Variants in GARNL3 observed in about 807,000 individuals in gnomAD.
GARNL3 encodes GTPase activating Rap/RanGAP domain like 3.
GARNL3 carries 63 observed loss-of-function variants against 125.0 expected under a neutral mutation model. The observed-to-expected ratio is 0.50, with a 90% CI of 0.41 to 0.62. The LOEUF is 0.62. GARNL3 is among the 20% of genes least tolerant of loss of function. The pLI is 0.00. For missense variants in GARNL3, 994 were observed against 1,244.0 expected (o/e 0.80, Z 3.02); for synonymous variants, 439 against 457.5 (o/e 0.96, Z 0.52).
intron 17 of GARNL3, among the ~76,000 whole-genome samples, chr9:127,349,961 C>T (rs557398271): frequency 6.6e-6 from 1 of 152,306 alleles, no homozygotes; most frequent in African/African-American, 2.4e-5. Flanking sequence ...ATACGTCCTC[C>T]CTCCGACGCT....
At chr9:127,354,518 GT>G (rs1830584421) in intron 19 of GARNL3, 108 bp downstream of exon 19, 1 of 652,598 alleles carries the variant, frequency 1.5e-6, no homozygotes, top group African/African-American at 1.8e-5. Flanking sequence ...TTATTAGTTT[GT>G]TTTTTGTTTG....
At chr9:127,336,954 T>C (rs1453355409) in intron 11 of GARNL3, among the ~76,000 whole-genome samples, 1 of 152,222 alleles carries the variant, frequency 6.6e-6, no homozygotes, top group Non-Finnish European at 1.5e-5. Context: ...GAATAAATTC[T>C]AGTCGAGTTA....
chr9:127,336,041 T>G, intron 10 of GARNL3, 87 bp from the exon 11 acceptor site: 1 of 940,878 alleles, frequency 1.1e-6, no homozygotes, highest in Non-Finnish European at 1.7e-6. Flanking sequence ...TGGCTGTGGT[T>G]TGTTATATTG....
rs186935508 is a variant in GARNL3 at position 127,321,602 on chromosome 9, C to A, written c.567+824C>A. ...GCCTTAGGAGAGAAAAAAATTTAGT[C>A]ATAATTTAGGTGACGGTTTATCAGA... On this transcript the variant is annotated intron_variant, in intron 6 of 27. Transcript: ENST00000373387. Among the ~76,000 whole-genome samples, 26 of 152,272 alleles carry A rather than the reference C, an allele frequency of 1.7e-4. No individual in the cohort carries two copies. The East Asian group carries it at 4.8e-3, about 28-fold the overall frequency.
intron 2 of GARNL3, among the ~76,000 whole-genome samples, chr9:127,254,499 A>G (rs2063461406): frequency 6.6e-6 from 1 of 152,184 alleles, no homozygotes; most frequent in African/African-American, 2.4e-5. Context: ...ATATCTACCA[A>G]TTCTCACGCC....
chr9:127,322,668 G>C (rs10122532), intron 6 of GARNL3, among the ~76,000 whole-genome samples: 39,067 of 152,056 alleles, frequency 0.26, 6,156 homozygotes, highest in African/African-American at 0.43. Context: ...CCCTTAGGAA[G>C]AGTTGAGCAA....
chr9:127,335,353 C>T lies in GARNL3; in HGVS notation c.873+20C>T, dbSNP rs1330771850. 6.6e-7 allele frequency: 1 copy of T among 1,523,846 alleles called. No individual in the cohort carries two copies. The highest frequency in any genetic ancestry group is 9.1e-7 in the Non-Finnish European group (1 of 1,097,502). 94.4% of individuals were successfully genotyped at this position (1,523,846 alleles called of 1,614,324 possible). On this transcript the variant is annotated intron_variant, in intron 10 of 27. Transcript: ENST00000373387. ...CAGCAGGTACATGTGAACATACAAACCATCAAATAGTGATGTGAATGTGGA... is the reference window on the plus strand; with the variant it reads ...CAGCAGGTACATGTGAACATACAAATCATCAAATAGTGATGTGAATGTGGA...
intron 22 of GARNL3, among the ~76,000 whole-genome samples, chr9:127,383,133 T>C (rs1832357282): frequency 6.6e-6 from 1 of 152,202 alleles, no homozygotes; most frequent in Admixed American, 6.5e-5. Flanking sequence ...GTAAAGTGAG[T>C]GTAATAATGG....
chr9:127,245,085 G>C (rs2063273342), intron 2 of GARNL3, among the ~76,000 whole-genome samples: 1 of 152,176 alleles, frequency 6.6e-6, no homozygotes, highest in South Asian at 2.1e-4. Flanking sequence ...AAAGGAATTT[G>C]TGTCCGGGGC....
intron 17 of GARNL3, among the ~76,000 whole-genome samples, chr9:127,351,380 G>C (rs1157494758): frequency 3.3e-5 from 5 of 151,944 alleles, no homozygotes. Flanking sequence ...AGGATGGTGG[G>C]TGTAGCTGTT....
At chr9:127,376,523 CTT>C (rs1440186659) in intron 22 of GARNL3, among the ~76,000 whole-genome samples, 1 of 152,086 alleles carries the variant, frequency 6.6e-6, no homozygotes, top group Non-Finnish European at 1.5e-5. Flanking sequence ...GGGCCAGCCT[CTT>C]AACATTTTAA....
chr9:127,274,964 A>G (rs1311649836), intron 1 of GARNL3, among the ~76,000 whole-genome samples: 2 of 152,138 alleles, frequency 1.3e-5, no homozygotes, highest in African/African-American at 2.4e-5. Context: ...TACTTGTACC[A>G]GATCATTCTC....
chr9:127,257,159 G>C (rs1225877039), intron 2 of GARNL3, among the ~76,000 whole-genome samples: 1 of 152,110 alleles, frequency 6.6e-6, no homozygotes, highest in Non-Finnish European at 1.5e-5. Flanking sequence ...ACCACAGTTT[G>C]TTTGAGTATT....
chr9:127,292,394 C>G (rs1373880860), intron 2 of GARNL3, among the ~76,000 whole-genome samples: 1 of 152,194 alleles, frequency 6.6e-6, no homozygotes, highest in Non-Finnish European at 1.5e-5. Flanking sequence ...ATAGCCTCAC[C>G]ACCACAAGCT....
At chr9:127,306,817 A>G (rs149386419) in intron 2 of GARNL3, among the ~76,000 whole-genome samples, 9 of 152,234 alleles carry the variant, frequency 5.9e-5, no homozygotes, top group African/African-American at 1.4e-4. Context: ...AACCTCAGAA[A>G]CAGGTTGCAG....
chr9:127,309,476 T>A (rs549504444), intron 2 of GARNL3, among the ~76,000 whole-genome samples: 3 of 152,320 alleles, frequency 2.0e-5, no homozygotes, highest in African/African-American at 7.2e-5. Flanking sequence ...CCGTTTCATT[T>A]TATAAGGTAA....
chr9:127,239,940 G>A (rs2812291), intron 1 of GARNL3, among the ~76,000 whole-genome samples: 91,260 of 152,034 alleles, frequency 0.6, 30,305 homozygotes, highest in Admixed American at 0.74. Context: ...AAAGTTTAAA[G>A]GGCTAGAAAA....
At chr9:127,370,143 G>C (rs554482196) in intron 22 of GARNL3, among the ~76,000 whole-genome samples, 1 of 152,206 alleles carries the variant, frequency 6.6e-6, no homozygotes, top group Non-Finnish European at 1.5e-5. Context: ...CACAGTGGTC[G>C]CATCAAAGGA....
At chr9:127,363,007 T>TTTA (rs1831094371) in intron 21 of GARNL3, 1 of 151,916 alleles carries the variant, frequency 6.6e-6, no homozygotes, top group Admixed American at 6.6e-5. Context: ...ATCCGATGAG[T>TTTA]TTATTCTATC....
Sources: gnomAD v4.1 joint callset for allele counts (sites outside exome capture counted in the v4.1 genomes callset) on GRCh38, gnomAD v4.1.1 for gene constraint, MANE v1.5 for transcripts, NCBI Gene and HGNC (gene_info 2026-07-23, HGNC 2026-07-21) for gene names.